The following GUCY2F variants were observed in gnomAD, a reference collection of about 807,000 sequenced individuals.
GUCY2F encodes guanylate cyclase 2F, retinal.
A neutral mutation model predicts 73.1 loss-of-function variants in GUCY2F; 61 were observed. The observed-to-expected ratio is 0.83, with a 90% confidence interval of 0.68 to 1.03. The LOEUF is 1.03. GUCY2F is among the 50% of genes least tolerant of loss of function. The probability of loss-of-function intolerance (pLI) is 0.00; values close to 1 mark genes in which losing one functional copy is unlikely to be tolerated. For missense variants in GUCY2F, 912 were observed against 854.3 expected (o/e 1.07, Z -0.84); for synonymous variants, 331 against 307.8 (o/e 1.08, Z -0.79).
rs756024210 is a variant in GUCY2F, at chrX:109,475,736, A to C, written c.201T>G (p.Phe67Leu). Residue 67 changes from phenylalanine to leucine, a missense_variant, in exon 2 of 20, where the codon TTT (phenylalanine) becomes TTG (leucine). Phe to Leu is a conservative substitution (Grantham distance 22). Transcript: ENST00000218006. ...CAGCAACCTCAGGCAGGGCCTTTGA[A>C]AACAGCGAATCACAAGCCCAAGGGC... ...VVGPWACDSLFSKALPEVAAR... is the reference protein window; with the variant it reads ...VVGPWACDSLLSKALPEVAAR... The C allele has an allele frequency of 9.7e-5, 117 of 1,209,369 alleles. 1 individual carries two copies. In the South Asian group the frequency reaches 1.6e-3, roughly 16 times the overall value.
At chrX:109,391,589 A>G (rs749192106) in intron 14 of GUCY2F, among the ~76,000 whole-genome samples, 14 of 111,695 alleles carry the variant, frequency 1.3e-4, no homozygotes, top group Non-Finnish European at 2.1e-4. Context: ...TGCCTACACT[A>G]TTAGTACTCA....
Position 109,395,432 on chromosome X carries a change from T to A in GUCY2F, c.2333A>T (p.Glu778Val). 1 of 1,199,433 alleles carries A rather than the reference T, an allele frequency of 8.3e-7. No homozygotes were observed. The highest frequency in any genetic ancestry group is 1.1e-6 in the Non-Finnish European group (1 of 884,161). ...PPVYRPVVPP[E>V]HAPPECLQLM... ...CTGGAGACATTCTGGAGGGGCATGC[T>A]CAGGAGGAACTACTGGTCTGTACAC... Residue 778 changes from glutamate to valine, a missense_variant, in exon 12 of 20, where the codon GAG becomes GTG. By Grantham distance (121) the Glu-to-Val change is moderately radical. Transcript: ENST00000218006.
At chrX:109,437,351 A>G (rs1226954785) in intron 7 of GUCY2F, among the ~76,000 whole-genome samples, 1 of 112,696 alleles carries the variant, frequency 8.9e-6, no homozygotes, top group African/African-American at 3.2e-5. Context: ...TGACTGACCA[A>G]TAGTCATTCT....
At chrX:109,383,672 A>G (rs1328772085) in intron 16 of GUCY2F, among the ~76,000 whole-genome samples, 1 of 111,911 alleles carries the variant, frequency 8.9e-6, no homozygotes, top group African/African-American at 3.2e-5. Context: ...ATGCTTCACA[A>G]TAACTTCCTT....
In GUCY2F at chrX:109,444,953, A is replaced by G. The variant is rs372458266; in HGVS notation, c.1569+3116T>C. On this transcript the variant is annotated intron_variant, in intron 6 of 19. Transcript: ENST00000218006. ...GTTTGTGACCTAAATAAACCCTATC[A>G]TTCCTTCATTGACTCAGTTTTTGTG... is the stretch of plus-strand genomic sequence containing the variant. Among the ~76,000 whole-genome samples, 11 of 111,822 alleles carry G rather than the reference A, an allele frequency of 9.8e-5. No individual in the cohort carries two copies. The East Asian group carries it at 1.4e-3, about 14-fold the overall frequency.
At chrX:109,426,619 G>C (rs2147267283) in intron 8 of GUCY2F, among the ~76,000 whole-genome samples, 1 of 111,566 alleles carries the variant, frequency 9.0e-6, no homozygotes, top group East Asian at 2.8e-4. Context: ...TCGATCTCCT[G>C]ACCTTGTGAT....
Position 109,391,958 on chromosome X carries a change from G to T in GUCY2F, c.2734C>A (p.Leu912Met). 1 of 1,207,935 alleles carries T rather than the reference G, an allele frequency of 8.3e-7. No homozygotes were observed. Among genetic ancestry groups the T allele is most frequent in the Non-Finnish European group, 1.1e-6 (1 of 892,578 alleles). Residue 912 changes from leucine to methionine, a missense_variant, in exon 14 of 20, where the codon CTG (leucine) becomes ATG (methionine). Coordinates refer to ENST00000218006, the MANE Select transcript of GUCY2F (RefSeq NM_001522.3). ...PIEVVDLLND[L>M]YTLFDAIIGS... ...ATTATTGCATCAAAGAGTGTGTACA[G>T]GTCATTCAGAAGATCCACGACCTCA... is the stretch of plus-strand genomic sequence containing the variant.
chrX:109,452,468 G>C (rs1932155751), intron 4 of GUCY2F, among the ~76,000 whole-genome samples: 1 of 111,990 alleles, frequency 8.9e-6, no homozygotes, highest in Non-Finnish European at 1.9e-5. Context: ...ACCTGTGAAA[G>C]TTAAGTATTA....
chrX:109,458,809 T>C (rs1472135522), intron 3 of GUCY2F, among the ~76,000 whole-genome samples: 1 of 111,540 alleles, frequency 9.0e-6, no homozygotes, highest in Non-Finnish European at 1.9e-5. Context: ...TGTTAATTCA[T>C]TTAATCCTCA....
At chrX:109,408,028 C>G (rs192912530) in intron 9 of GUCY2F, among the ~76,000 whole-genome samples, 1 of 111,749 alleles carries the variant, frequency 8.9e-6, no homozygotes, top group African/African-American at 3.3e-5. Context: ...CCAGATCCAC[C>G]GACAGCTTGC....
At chrX:109,389,745 T>G (rs1390480246) in intron 14 of GUCY2F, among the ~76,000 whole-genome samples, 1 of 111,379 alleles carries the variant, frequency 9.0e-6, no homozygotes, top group African/African-American at 3.3e-5. Flanking sequence ...GCTATCACCA[T>G]CATCATCATC....
intron 3 of GUCY2F, among the ~76,000 whole-genome samples, chrX:109,458,907 C>T (rs951627010): frequency 2.7e-5 from 3 of 111,104 alleles, no homozygotes; most frequent in Non-Finnish European, 3.8e-5. Flanking sequence ...AAACTTAAGG[C>T]AGTCTGCCTT....
chrX:109,395,601 A>G, intron 11 of GUCY2F, 112 bp from the exon 12 acceptor site: 1 of 577,485 alleles, frequency 1.7e-6, no homozygotes, highest in Non-Finnish European at 2.8e-6. Flanking sequence ...GATAACACAG[A>G]AGGGCCATCT....
chrX:109,383,207 A>C (rs7876375), intron 16 of GUCY2F, among the ~76,000 whole-genome samples: 1,375 of 111,535 alleles, frequency 0.012, 14 homozygotes, highest in African/African-American at 0.043. Flanking sequence ...TACTCAAAAA[A>C]GGTTGACCTA....
chrX:109,398,445 G>T, intron 11 of GUCY2F, 104 bp downstream of exon 11: 1 of 710,156 alleles, frequency 1.4e-6, no homozygotes, highest in Non-Finnish European at 2.1e-6. Flanking sequence ...AGACTATCAG[G>T]CTGTTAGCAC....
chrX:109,444,833 A>G (rs1931962949), intron 6 of GUCY2F, among the ~76,000 whole-genome samples: 1 of 111,878 alleles, frequency 8.9e-6, no homozygotes, highest in Non-Finnish European at 1.9e-5. Context: ...TTTTAAAGAA[A>G]ACTCAGAAAT....
intron 12 of GUCY2F, among the ~76,000 whole-genome samples, chrX:109,394,255 T>C (rs1177081413): frequency 8.9e-6 from 1 of 112,268 alleles, no homozygotes; most frequent in Non-Finnish European, 1.9e-5. Context: ...CTGGCTTCTC[T>C]GCTGCCTTCT....
At chrX:109,479,381 A>G (rs1439967769) in intron 1 of GUCY2F, among the ~76,000 whole-genome samples, 1 of 112,037 alleles carries the variant, frequency 8.9e-6, no homozygotes, top group East Asian at 2.8e-4. Context: ...TGGAAAGAGG[A>G]CTGCACTGGG....
intron 8 of GUCY2F, among the ~76,000 whole-genome samples, chrX:109,415,561 G>A (rs1240235981): frequency 1.8e-5 from 2 of 112,312 alleles, no homozygotes; most frequent in Non-Finnish European, 3.8e-5. Context: ...CATGGATTGA[G>A]AGTAGAGGAA....
Sources: gnomAD v4.1 joint callset for allele counts (sites outside exome capture counted in the v4.1 genomes callset) on GRCh38, gnomAD v4.1.1 for gene constraint, MANE v1.5 for transcripts, NCBI Gene and HGNC (gene_info 2026-07-23, HGNC 2026-07-21) for gene names.